RUNX1: variants seen among roughly 807,000 people sequenced by gnomAD.
RUNX1 encodes RUNX family transcription factor 1.
Under a neutral mutation model 42.8 loss-of-function variants are expected in RUNX1, and 19 were observed. The observed-to-expected ratio is 0.44, with a 90% CI of 0.31 to 0.65. The LOEUF is 0.65. RUNX1 is among the 30% of genes least tolerant of loss of function. The pLI is 0.07. For missense variants in RUNX1, 528 were observed against 672.0 expected (o/e 0.79, Z 2.37); for synonymous variants, 271 against 289.4 (o/e 0.94, Z 0.64).
At chr21:35,026,393 G>A (rs748248302) in intron 2 of RUNX1, among the ~76,000 whole-genome samples, 9 of 152,132 alleles carry the variant, frequency 5.9e-5, no homozygotes, top group Non-Finnish European at 7.3e-5. Flanking sequence ...GTTATTCACC[G>A]CATAGAATCA....
At chr21:34,814,640 A>G (rs2056800948) in intron 7 of RUNX1, among the ~76,000 whole-genome samples, 1 of 152,212 alleles carries the variant, frequency 6.6e-6, no homozygotes, top group Non-Finnish European at 1.5e-5. Flanking sequence ...CAGCAATGAA[A>G]TGCAATTACC....
intron 2 of RUNX1, among the ~76,000 whole-genome samples, chr21:34,904,308 TAATAAAATTA>T (rs1378590235): frequency 1.3e-5 from 2 of 152,192 alleles, no homozygotes; most frequent in Non-Finnish European, 2.9e-5. Flanking sequence ...AAGATTTTTT[TAATAAAATTA>T]AACTAAAACA....
At chr21:34,870,422 C>T (rs936146336) in intron 5 of RUNX1, among the ~76,000 whole-genome samples, 3 of 152,214 alleles carry the variant, frequency 2.0e-5, no homozygotes, top group Non-Finnish European at 4.4e-5. Context: ...CAACCAGGGG[C>T]GATTTGCCCC....
rs2056471068 is a variant in RUNX1, at chr21:34,792,997, C to T, written c.968-387G>A. Among the ~76,000 whole-genome samples, 2 of 151,076 alleles carry T rather than the reference C, an allele frequency of 1.3e-5. No individual in the cohort carries two copies. Among genetic ancestry groups the T allele is most frequent in the African/African-American group, 2.4e-5 (1 of 40,974 alleles). On this transcript the variant is annotated intron_variant, in intron 8 of 8. Coordinates refer to ENST00000675419, the MANE Select transcript of RUNX1 (RefSeq NM_001754.5). The surrounding 1 kb of genome is among the most constrained non-coding windows in gnomAD (Gnocchi z 6.9). ...ACACCACCTGGGAGGATGGAGACCACCCAGGATGCTACCGCCTAGGAGGAC... is the reference window on the plus strand; with the variant it reads ...ACACCACCTGGGAGGATGGAGACCATCCAGGATGCTACCGCCTAGGAGGAC...
At chr21:35,030,868 A>T (rs958520871) in intron 2 of RUNX1, among the ~76,000 whole-genome samples, 1 of 152,228 alleles carries the variant, frequency 6.6e-6, no homozygotes, top group African/African-American at 2.4e-5. Context: ...GAACTCAAAC[A>T]ACTCAATAGC....
chr21:34,969,653 C>A (rs954092423), intron 2 of RUNX1, among the ~76,000 whole-genome samples: 1 of 151,774 alleles, frequency 6.6e-6, no homozygotes, highest in Non-Finnish European at 1.5e-5. Context: ...CGGACCCATG[C>A]CTCTTAGCTG....
rs909385584 is a variant in RUNX1 at position 34,905,404 on chromosome 21, C to T, written c.59-12441G>A. 2.6e-5 allele frequency among the ~76,000 whole-genome samples: 4 copies of T among 152,176 alleles called. No individual in the cohort carries two copies. The East Asian group carries it at 7.7e-4, about 29-fold the overall frequency. On this transcript the variant is annotated intron_variant, in intron 2 of 8. Coordinates refer to ENST00000675419, the MANE Select transcript of RUNX1 (RefSeq NM_001754.5). Reference sequence around the variant, plus strand: ...GGATTAAGACTTCAGGTTAACCCCTCCGTTACTGGGAATGAGAAGGAAATA... The same window carrying T: ...GGATTAAGACTTCAGGTTAACCCCTTCGTTACTGGGAATGAGAAGGAAATA...
rs555056963 is a variant in RUNX1 at position 35,005,358 on chromosome 21, T to A, written c.58+43484A>T. On this transcript the variant is annotated intron_variant, in intron 2 of 8. Transcript: ENST00000675419. Reference sequence around the variant, plus strand: ...ATATGCAAGGAAATAGCCTCTTCTGTCCTCTAAAGCACCACAATTAAATTC... The same window carrying A: ...ATATGCAAGGAAATAGCCTCTTCTGACCTCTAAAGCACCACAATTAAATTC... 2.6e-5 allele frequency among the ~76,000 whole-genome samples: 4 copies of A among 152,246 alleles called. No individual in the cohort carries two copies. The South Asian group carries it at 8.3e-4, about 32-fold the overall frequency.
intron 6 of RUNX1, 106 bp from the exon 7 acceptor site, chr21:34,834,707 TTCCCCTCTCTC>T (rs2057118257): frequency 2.0e-6 from 2 of 981,168 alleles, no homozygotes; most frequent in Non-Finnish European, 3.1e-6. Context: ...TTTCTTGTCT[TTCCCCTCTCTC>T]TCCCCTCACC....
At chr21:35,018,693 G>A (rs143081001) in intron 2 of RUNX1, among the ~76,000 whole-genome samples, 61 of 152,240 alleles carry the variant, frequency 4.0e-4, no homozygotes, top group African/African-American at 1.4e-3. Flanking sequence ...GTGAGTGGAT[G>A]ATCCTTTTGT....
At chr21:34,838,434 C>T (rs2057181259) in intron 6 of RUNX1, among the ~76,000 whole-genome samples, 1 of 152,174 alleles carries the variant, frequency 6.6e-6, no homozygotes, top group Non-Finnish European at 1.5e-5. Context: ...AGAAGACTGT[C>T]ATGATGAGCC....
chr21:34,799,368 C>T lies in RUNX1; in HGVS notation c.900G>A (p.Thr300=), dbSNP rs533383085. ...CGCTGGCACGTCCAGGTGAAATGGG[C>T]GTTGCTGGGTGCACAGAAGGAGAGG... ...SIASPSVHPA[T]PISPGRASGM... Residue 300 remains threonine (T), a synonymous_variant, in exon 8 of 9, where the codon ACG becomes ACA. Transcript: ENST00000675419. 13 of 1,614,010 alleles carry T rather than the reference C, an allele frequency of 8.1e-6. No homozygotes were observed. The highest frequency in any genetic ancestry group is 2.7e-5 in the African/African-American group (2 of 74,890).
chr21:34,974,644 G>C lies in RUNX1; in HGVS notation c.58+74198C>G, dbSNP rs538684339. Among the ~76,000 whole-genome samples, 3 of 151,766 alleles carry C rather than the reference G, an allele frequency of 2.0e-5. No individual in the cohort carries two copies. In the East Asian group the frequency reaches 5.8e-4, roughly 29 times the overall value. ...TAGATGAAGACAGCACCAGCTTTGT[G>C]ATGCCAACTCCTGCTCCTGCTCTCT... is the stretch of plus-strand genomic sequence containing the variant. On this transcript the variant is annotated intron_variant, in intron 2 of 8. Transcript: ENST00000675419.
chr21:35,016,915 G>C (rs952369477), intron 2 of RUNX1, among the ~76,000 whole-genome samples: 6 of 151,776 alleles, frequency 4.0e-5, no homozygotes, highest in Admixed American at 2.0e-4. Context: ...AGCTGATACA[G>C]AGTAGCCAAG....
At chr21:34,872,104 A>C (rs948216124) in intron 5 of RUNX1, among the ~76,000 whole-genome samples, 5 of 152,124 alleles carry the variant, frequency 3.3e-5, no homozygotes, top group African/African-American at 1.2e-4. Context: ...TTGGCCTCCT[A>C]AAGTGCTGGG....
chr21:34,797,638 T>C (rs1344867085), intron 8 of RUNX1, among the ~76,000 whole-genome samples: 1 of 152,234 alleles, frequency 6.6e-6, no homozygotes, highest in Non-Finnish European at 1.5e-5. Context: ...TCTTGAGGGA[T>C]AAGCTTCTAG....
chr21:35,025,694 G>A (rs1483261380), intron 2 of RUNX1, among the ~76,000 whole-genome samples: 1 of 152,126 alleles, frequency 6.6e-6, no homozygotes, highest in East Asian at 1.9e-4. Flanking sequence ...TTAGGAGTGA[G>A]GCCATGAGAC....
chr21:34,967,303 G>T (rs1171075561), intron 2 of RUNX1, among the ~76,000 whole-genome samples: 1 of 83,240 alleles, frequency 1.2e-5, no homozygotes, highest in African/African-American at 4.2e-5. Context: ...CCAGGCGACA[G>T]TGTGAGACTC....
intron 3 of RUNX1, among the ~76,000 whole-genome samples, chr21:34,890,438 C>G (rs1344444319): frequency 6.6e-6 from 1 of 152,208 alleles, no homozygotes; most frequent in African/African-American, 2.4e-5. Flanking sequence ...GGTGGGGACT[C>G]TCGGACCAGG....
Sources: allele counts gnomAD v4.1 joint callset (sites outside exome capture counted in the v4.1 genomes callset), GRCh38; gene constraint gnomAD v4.1.1; non-coding constraint Gnocchi (gnomAD v3.1); transcripts MANE v1.5; gene names NCBI Gene and HGNC (gene_info 2026-07-23, HGNC 2026-07-21).